The following ACER1 variants were observed in gnomAD, a reference collection of about 807,000 sequenced individuals.
The protein encoded by ACER1 is alkaline ceramidase 1, also known as CTB-180A7.3.
ACER1 carries 28 observed loss-of-function variants against 24.9 expected under a neutral mutation model. That is an observed-to-expected ratio of 1.13 (90% CI 0.83 to 1.54). The LOEUF is 1.54. ACER1 is among the 40% of genes most tolerant of loss of function. ACER1 has a pLI of 0.00. For missense variants in ACER1, 352 were observed against 349.3 expected, an observed-to-expected ratio of 1.01 and a Z score of -0.06; for synonymous variants, 132 against 131.4, an observed-to-expected ratio of 1.00 and a Z score of -0.03.
In ACER1 at chr19:6,306,746, C is replaced by T. The variant is rs749627568; in HGVS notation, c.763G>A (p.Val255Met). Residue 255 changes from valine (V) to methionine (M), a missense_variant, in exon 6 of 6, where the codon GTG becomes ATG. Transcript: ENST00000301452. ...TCCTTGTCATCACCCCGGATTTCCA[C>T]GTAGGGCAGCCCCACGGGCCAACTG... ...RDSWPVGLPY[V>M]EIRGDDKDC is the part of the protein sequence containing the mutation. 12 of 1,613,124 alleles carry T rather than the reference C, an allele frequency of 7.4e-6. No homozygotes were observed. Among genetic ancestry groups the T allele is most frequent in the African/African-American group, 1.3e-5 (1 of 74,932 alleles).
At chr19:6,337,966 C>T (rs184686318), upstream of ACER1, among the ~76,000 whole-genome samples, 762 of 151,558 alleles carry the variant, frequency 5.0e-3, 6 homozygotes, top group South Asian at 0.015. Flanking sequence ...CGTGAGCCAC[C>T]GCGCCCAGCC....
At chr19:6,319,499 C>G (rs10409692) in intron 1 of ACER1, among the ~76,000 whole-genome samples, 10,038 of 152,198 alleles carry the variant, frequency 0.066, 372 homozygotes, top group East Asian at 0.12. Context: ...CCCTCCCTTC[C>G]TTCATTCATT....
Position 6,306,555 on chromosome 19 carries a change from T to C in ACER1, c.*159A>G. The C allele has an allele frequency of 1.2e-6, 1 of 852,928 alleles. No individual in the cohort carries two copies. The highest frequency in any genetic ancestry group is 1.7e-6 in the Non-Finnish European group (1 of 576,188). 52.8% of individuals were successfully genotyped at this position (852,928 alleles called of 1,614,324 possible). ...CTCAGAGATGTCACAAAGTCCATCA[T>C]CTGCCTCAAGGCAGGGCAGCGCAGG... On this transcript the variant is annotated 3_prime_UTR_variant, in exon 6 of 6. Transcript: ENST00000301452.
chr19:6,318,794 T>TAA, intron 1 of ACER1, among the ~76,000 whole-genome samples: 1 of 143,306 alleles, frequency 7.0e-6, no homozygotes, highest in South Asian at 2.3e-4. Flanking sequence ...TCAAAAAAAA[T>TAA]AAATAAATAA....
At chr19:6,324,809 AAAG>A (rs1227211052) in intron 1 of ACER1, among the ~76,000 whole-genome samples, 3 of 150,266 alleles carry the variant, frequency 2.0e-5, no homozygotes, top group South Asian at 4.3e-4. Context: ...AAAGAAAGAG[AAAG>A]AAGGAGAGAA....
chr19:6,323,276 T>C (rs920195648), intron 1 of ACER1, among the ~76,000 whole-genome samples: 13 of 151,848 alleles, frequency 8.6e-5, no homozygotes, highest in Admixed American at 2.6e-4. Context: ...AAAAATTAGC[T>C]GGGCGAGGTG....
the ACER1 span, among the ~76,000 whole-genome samples, chr19:6,347,584 C>T: frequency 6.6e-6 from 1 of 152,000 alleles, no homozygotes; most frequent in East Asian, 2.0e-4. Context: ...GCCTGTTATC[C>T]CAGCACTTTG....
chr19:6,322,900 C>T (rs532345994), intron 1 of ACER1, among the ~76,000 whole-genome samples: 30 of 151,754 alleles, frequency 2.0e-4, no homozygotes, highest in East Asian at 5.8e-4. Flanking sequence ...CACCTGAGGT[C>T]GGGAGTTCAA....
intron 5 of ACER1, 85 bp from the exon 6 acceptor site, chr19:6,306,967 A>C: frequency 2.6e-6 from 4 of 1,521,644 alleles, no homozygotes; most frequent in Non-Finnish European, 3.5e-6. Flanking sequence ...ATGGCTCTTG[A>C]CCATCCATCC....
At chr19:6,358,656 G>A in the ACER1 span, among the ~76,000 whole-genome samples, 9,425 of 150,586 alleles carry the variant, frequency 0.063, 406 homozygotes, top group African/African-American at 0.12. Context: ...TCCAGTGGCC[G>A]GGCGCAGTGG....
chr19:6,307,136 T>C lies in ACER1; in HGVS notation c.626+17A>G, dbSNP rs1169300719. The C allele has an allele frequency of 6.2e-7, 1 of 1,613,508 alleles. No individual in the cohort carries two copies. Among genetic ancestry groups the C allele is most frequent in the African/African-American group, 1.3e-5 (1 of 74,896 alleles). The stretch of plus-strand genomic sequence containing the variant: ...CTCTGACTCTGGGCCCCCCACAGCC[T>C]CAGAGCATGTGCTTACCAGATGCTG... On this transcript the variant is annotated intron_variant, in intron 5 of 5. Transcript: ENST00000301452.
At chr19:6,339,015 T>G in the ACER1 span, among the ~76,000 whole-genome samples, 20 of 152,044 alleles carry the variant, frequency 1.3e-4, no homozygotes, top group East Asian at 3.1e-3. Flanking sequence ...TAGCTGGGAT[T>G]ACAGGCGCCC....
chr19:6,310,977 G>A (rs1247068958), intron 3 of ACER1, among the ~76,000 whole-genome samples: 2 of 151,946 alleles, frequency 1.3e-5, no homozygotes, highest in East Asian at 1.9e-4. Context: ...GTGAGCCCAG[G>A]CAGCGTCTAA....
At chr19:6,319,690 T>C (rs1364891601) in intron 1 of ACER1, among the ~76,000 whole-genome samples, 2 of 152,044 alleles carry the variant, frequency 1.3e-5, no homozygotes, top group Non-Finnish European at 2.9e-5. Context: ...GCTGTGAGGA[T>C]TACAGAGTTA....
At position 6,309,258 on chromosome 19, in the gene ACER1, C is replaced by A. The variant is rs373116553; in HGVS notation, c.488+439G>T. On this transcript the variant is annotated intron_variant, in intron 4 of 5. Transcript: ENST00000301452. The stretch of plus-strand genomic sequence containing the variant: ...TGTAGGGTGGATGCAGTGGCTCACA[C>A]CTGTAATCCCAGCACTTTGGGAGGC... Among the ~76,000 whole-genome samples the A allele has an allele frequency of 2.0e-5, 3 of 151,990 alleles. No individual in the cohort carries two copies. The South Asian group carries it at 6.2e-4, about 32-fold the overall frequency.
At chr19:6,349,461 GAAGGAAAGA>G in the ACER1 span, among the ~76,000 whole-genome samples, 4 of 137,650 alleles carry the variant, frequency 2.9e-5, no homozygotes, top group African/African-American at 5.7e-5. Context: ...AGGAAGGAAG[GAAGGAAAGA>G]AGGAAGGAAG....
At chr19:6,357,975 C>T in the ACER1 span, among the ~76,000 whole-genome samples, 1 of 152,156 alleles carries the variant, frequency 6.6e-6, no homozygotes, top group Non-Finnish European at 1.5e-5. Context: ...CGCCATCCCA[C>T]GTCAGAGGCA....
the ACER1 span, among the ~76,000 whole-genome samples, chr19:6,348,335 C>T: frequency 6.6e-6 from 1 of 151,094 alleles, no homozygotes; most frequent in African/African-American, 2.4e-5. Flanking sequence ...TGTGGTGGCA[C>T]GCGCCTGTAA....
intron 4 of ACER1, among the ~76,000 whole-genome samples, 176 bp downstream of exon 4, chr19:6,309,521 C>T (rs2091567103): frequency 6.6e-6 from 1 of 151,002 alleles, no homozygotes; most frequent in Non-Finnish European, 1.5e-5. Context: ...GGATCCGTCT[C>T]AAGAAAAAAA....
Sources: allele counts gnomAD v4.1 joint callset (sites outside exome capture counted in the v4.1 genomes callset), GRCh38; gene constraint gnomAD v4.1.1; transcripts MANE v1.5; gene names NCBI Gene and HGNC (gene_info 2026-07-23, HGNC 2026-07-21).